Variants in CCDC146 observed in about 807,000 individuals in gnomAD.
The protein encoded by CCDC146 is coiled-coil domain containing 146.
A neutral mutation model predicts 119.3 loss-of-function variants in CCDC146; 92 were observed. That is an observed-to-expected ratio of 0.77 (90% CI 0.65 to 0.92). CCDC146 has a LOEUF of 0.92. Ranked by LOEUF, CCDC146 falls within the 40% of genes least tolerant of loss-of-function variation. The pLI, the probability that CCDC146 is intolerant of heterozygous loss-of-function variation, is 0.00. For synonymous variants in CCDC146, 372 were observed against 371.8 expected (o/e 1.00, Z -0.01); for missense variants, 1,000 against 1,103.0 (o/e 0.91, Z 1.32).
At chr7:77,208,204 G>C (rs184959440) in intron 2 of CCDC146, among the ~76,000 whole-genome samples, 21 of 152,308 alleles carry the variant, frequency 1.4e-4, no homozygotes, top group Admixed American at 1.3e-3. Context: ...GACACTTTTA[G>C]AGTCATTAAT....
intron 1 of CCDC146, among the ~76,000 whole-genome samples, chr7:77,130,331 A>C (rs1272430390): frequency 6.6e-6 from 1 of 152,112 alleles, no homozygotes; most frequent in Non-Finnish European, 1.5e-5. Flanking sequence ...AAGAAAGCAT[A>C]GTTAAGGCTT....
intron 2 of CCDC146, among the ~76,000 whole-genome samples, chr7:77,218,444 A>G (rs936623133): frequency 6.6e-6 from 1 of 152,040 alleles, no homozygotes; most frequent in African/African-American, 2.4e-5. Context: ...ACATTGAACG[A>G]ATGGGGCAGA....
chr7:77,266,341 G>A (rs972092537), intron 9 of CCDC146, among the ~76,000 whole-genome samples: 31 of 152,248 alleles, frequency 2.0e-4, no homozygotes, highest in African/African-American at 7.2e-4. Context: ...TCATTTCAGT[G>A]TTGAAGGCAA....
intron 1 of CCDC146, among the ~76,000 whole-genome samples, chr7:77,160,053 A>G (rs1791235176): frequency 6.6e-6 from 1 of 152,074 alleles, no homozygotes; most frequent in Non-Finnish European, 1.5e-5. Context: ...TGTTTTTCTC[A>G]GGTTTGTCAA....
At chr7:77,272,191 C>T (rs1463595672) in intron 9 of CCDC146, among the ~76,000 whole-genome samples, 1 of 152,224 alleles carries the variant, frequency 6.6e-6, no homozygotes, top group Non-Finnish European at 1.5e-5. Context: ...TTCTGATCTG[C>T]TATAGCAATT....
intron 5 of CCDC146, among the ~76,000 whole-genome samples, 186 bp from the exon 6 acceptor site, chr7:77,256,147 A>G (rs1258625228): frequency 6.6e-6 from 1 of 152,240 alleles, no homozygotes; most frequent in Non-Finnish European, 1.5e-5. Flanking sequence ...TGCCTTTGTT[A>G]AAGATGTCAG....
intron 11 of CCDC146, among the ~76,000 whole-genome samples, chr7:77,275,277 T>G (rs1056929703): frequency 6.6e-6 from 1 of 152,158 alleles, no homozygotes; most frequent in African/African-American, 2.4e-5. Flanking sequence ...ATGCTTGGAT[T>G]TTTGTATTCT....
chr7:77,158,776 A>T (rs1353600806), intron 1 of CCDC146, among the ~76,000 whole-genome samples: 1 of 152,106 alleles, frequency 6.6e-6, no homozygotes, highest in African/African-American at 2.4e-5. Flanking sequence ...CCTCCACACC[A>T]CAAAGTACTG....
Position 77,196,519 on chromosome 7 carries a change from A to G in CCDC146, c.156+28695A>G. ...CAGAAGGATATCGATCATTGTCTTT[A>G]TCTGGAGTGGTGAAAAACTTCAGAT... On this transcript the variant is annotated intron_variant, in intron 2 of 18. Coordinates refer to ENST00000285871, the MANE Select transcript of CCDC146 (RefSeq NM_020879.3). The surrounding 1 kb of genome is among the most constrained non-coding windows in gnomAD (Gnocchi z 4.2). 10 of 1,614,162 alleles carry G rather than the reference A, an allele frequency of 6.2e-6. No homozygotes were observed. The highest frequency in any genetic ancestry group is 8.5e-6 in the Non-Finnish European group (10 of 1,179,996).
rs534031634 is a variant in CCDC146 at position 77,293,725 on chromosome 7, A to T, written c.2664+525A>T. Among the ~76,000 whole-genome samples the T allele has an allele frequency of 7.2e-4, 109 of 151,724 alleles. No homozygotes were observed. The East Asian group carries it at 0.021, about 29-fold the overall frequency. On this transcript the variant is annotated intron_variant, in intron 18 of 18. Coordinates refer to ENST00000285871, the MANE Select transcript of CCDC146 (RefSeq NM_020879.3). ...TGGCCTAAGACTAGGTCTATTGCTG[A>T]CTCCCCCTGCAAGTTAGATAGCAGA... is the stretch of plus-strand genomic sequence containing the variant.
At chr7:77,264,432 T>C (rs564700564) in intron 9 of CCDC146, among the ~76,000 whole-genome samples, 1 of 152,300 alleles carries the variant, frequency 6.6e-6, no homozygotes, top group South Asian at 2.1e-4. Context: ...CTAATTTTTG[T>C]ATTTTTAGTA....
At chr7:77,207,019 C>A (rs1792094405) in intron 2 of CCDC146, among the ~76,000 whole-genome samples, 1 of 151,914 alleles carries the variant, frequency 6.6e-6, no homozygotes, top group South Asian at 2.1e-4. Flanking sequence ...TTAACTTTAT[C>A]TTATGAGATA....
chr7:77,194,221 C>G (rs1791823286), intron 2 of CCDC146: 1 of 151,896 alleles, frequency 6.6e-6, no homozygotes, highest in South Asian at 2.1e-4. Context: ...TGTGATAAGT[C>G]CATTTTTACT....
Position 77,196,344 on chromosome 7 carries a change from C to T in CCDC146, c.156+28520C>T, listed in dbSNP as rs1337412711. On this transcript the variant is annotated intron_variant, in intron 2 of 18. Coordinates refer to ENST00000285871, the MANE Select transcript of CCDC146 (RefSeq NM_020879.3). This position sits in a 1 kb window ranked among gnomAD's most constrained non-coding sequence, Gnocchi z 4.2. ...TCTTTGAAGGAGGACTTGTAGCCAC[C>T]AGGGTGTGCCTCACTTACACCAGGC... is the stretch of plus-strand genomic sequence containing the variant. The T allele has an allele frequency of 6.2e-7, 1 of 1,614,094 alleles. No individual in the cohort carries two copies. Among genetic ancestry groups the T allele is most frequent in the Admixed American group, 1.7e-5 (1 of 59,994 alleles).
intron 3 of CCDC146, among the ~76,000 whole-genome samples, chr7:77,238,899 T>A (rs1042227319): frequency 6.6e-6 from 1 of 152,226 alleles, no homozygotes; most frequent in East Asian, 1.9e-4. Context: ...TCCCTTCTGC[T>A]ACCCACATTT....
At chr7:77,154,600 C>G (rs77773460) in intron 1 of CCDC146, among the ~76,000 whole-genome samples, 1 of 151,314 alleles carries the variant, frequency 6.6e-6, no homozygotes, top group Non-Finnish European at 1.5e-5. Context: ...GTGATGGTTT[C>G]CAGTTTCATC....
chr7:77,268,806 A>G (rs1335497417), intron 9 of CCDC146, among the ~76,000 whole-genome samples: 1 of 152,258 alleles, frequency 6.6e-6, no homozygotes, highest in African/African-American at 2.4e-5. Flanking sequence ...CCCTCAGGAA[A>G]AAGGCATTAG....
chr7:77,231,931 T>C (rs1410422456), intron 2 of CCDC146, among the ~76,000 whole-genome samples: 1 of 151,838 alleles, frequency 6.6e-6, no homozygotes, highest in East Asian at 1.9e-4. Context: ...AAATTGGACA[T>C]TTTAGGTCAT....
chr7:77,294,093 T>G (rs1794000125), intron 18 of CCDC146, among the ~76,000 whole-genome samples: 1 of 152,196 alleles, frequency 6.6e-6, no homozygotes, highest in Admixed American at 6.5e-5. Flanking sequence ...AGACAAAATC[T>G]TGAAAACGTT....
Sources: gnomAD v4.1 joint callset for allele counts (sites outside exome capture counted in the v4.1 genomes callset) on GRCh38, gnomAD v4.1.1 for gene constraint, Gnocchi (gnomAD v3.1) non-coding constraint, MANE v1.5 for transcripts, NCBI Gene and HGNC (gene_info 2026-07-23, HGNC 2026-07-21) for gene names.